RBFOX1: variants seen among roughly 807,000 people sequenced by gnomAD.
RBFOX1 encodes the protein RNA binding protein fox-1 homolog 1.
A neutral mutation model predicts 57.7 loss-of-function variants in RBFOX1; 8 were observed. The observed-to-expected ratio is 0.14, with a 90% CI of 0.08 to 0.25. RBFOX1 has a LOEUF of 0.25. RBFOX1 is among the 10% of genes least tolerant of loss of function. The pLI, the probability that RBFOX1 is intolerant of heterozygous loss-of-function variation, is 1.00. For synonymous variants in RBFOX1, 326 were observed against 222.4 expected (o/e 1.47, Z -4.15); for missense variants, 611 against 548.5 (o/e 1.11, Z -1.14).
intron 3 of RBFOX1, among the ~76,000 whole-genome samples, chr16:5,791,852 G>A (rs946272551): frequency 6.6e-6 from 1 of 152,186 alleles, no homozygotes; most frequent in African/African-American, 2.4e-5. Flanking sequence ...GAAATAAAGA[G>A]GTGGAGAAAA....
intron 3 of RBFOX1, among the ~76,000 whole-genome samples, chr16:5,763,028 A>T (rs1217905070): frequency 1.3e-5 from 2 of 152,166 alleles, no homozygotes; most frequent in Admixed American, 6.5e-5. Flanking sequence ...CTGTTTGCAC[A>T]TATCTGTTTT....
intron 1 of RBFOX1, among the ~76,000 whole-genome samples, chr16:6,172,887 G>C (rs72774557): frequency 6.6e-6 from 1 of 152,072 alleles, no homozygotes; most frequent in Non-Finnish European, 1.5e-5. Flanking sequence ...CTCACAGTGC[G>C]GGCAGAGCTG....
chr16:7,216,377 G>A (rs895252230), intron 4 of RBFOX1, among the ~76,000 whole-genome samples: 3 of 152,046 alleles, frequency 2.0e-5, no homozygotes, highest in Non-Finnish European at 2.9e-5. Flanking sequence ...ACCCTAGACC[G>A]GGCGCAGTGG....
At chr16:6,640,384 G>A (rs964371071) in intron 2 of RBFOX1, among the ~76,000 whole-genome samples, 2 of 152,016 alleles carry the variant, frequency 1.3e-5, no homozygotes, top group South Asian at 2.1e-4. Flanking sequence ...CGAGGTGGGC[G>A]GATCACTGGA....
intron 3 of RBFOX1, among the ~76,000 whole-genome samples, chr16:5,612,252 C>T (rs759305783): frequency 1.3e-5 from 2 of 148,224 alleles, no homozygotes; most frequent in Non-Finnish European, 3.0e-5. Context: ...CATCAGTTCT[C>T]CCATCCATCC....
At chr16:7,573,794 CA>C (rs1388698763) in intron 5 of RBFOX1, among the ~76,000 whole-genome samples, 3 of 151,520 alleles carry the variant, frequency 2.0e-5, no homozygotes, top group Admixed American at 6.6e-5. Context: ...AAGATTGTGC[CA>C]CTAGACTCCA....
At chr16:6,252,001 C>A (rs113206541) in intron 1 of RBFOX1, among the ~76,000 whole-genome samples, 1 of 152,024 alleles carries the variant, frequency 6.6e-6, no homozygotes. Flanking sequence ...AATGGAAAAA[C>A]AAACTTAGGG....
intron 2 of RBFOX1, among the ~76,000 whole-genome samples, chr16:5,579,684 T>A (rs1276130649): frequency 6.6e-6 from 1 of 152,042 alleles, no homozygotes. Flanking sequence ...CCAGGTAAGG[T>A]CTTGAAGCTC....
At chr16:7,227,942 T>A (rs1246997824) in intron 4 of RBFOX1, among the ~76,000 whole-genome samples, 1 of 152,210 alleles carries the variant, frequency 6.6e-6, no homozygotes, top group Non-Finnish European at 1.5e-5. Context: ...AGACAATTCT[T>A]TGCGGTGAGG....
chr16:6,894,837 A>G (rs1253078895), intron 3 of RBFOX1, among the ~76,000 whole-genome samples: 2 of 152,194 alleles, frequency 1.3e-5, no homozygotes, highest in East Asian at 3.8e-4. Flanking sequence ...CCAGAATAAG[A>G]CATGTTGGGT....
intron 4 of RBFOX1, among the ~76,000 whole-genome samples, chr16:7,071,823 C>T (rs886280222): frequency 6.6e-6 from 1 of 152,074 alleles, no homozygotes; most frequent in African/African-American, 2.4e-5. Context: ...CACACACACA[C>T]CTGCCCATTA....
At chr16:6,884,606 A>G (rs553895844) in intron 3 of RBFOX1, among the ~76,000 whole-genome samples, 2 of 152,130 alleles carry the variant, frequency 1.3e-5, no homozygotes, top group South Asian at 4.2e-4. Flanking sequence ...AAAAACAAAA[A>G]AAACTAAATT....
At chr16:7,534,151 A>G (rs1423439540) in intron 5 of RBFOX1, among the ~76,000 whole-genome samples, 2 of 144,390 alleles carry the variant, frequency 1.4e-5, no homozygotes, top group African/African-American at 2.5e-5. Flanking sequence ...CAGTGGCTCG[A>G]TCTCGGCTCA....
At chr16:7,122,670 C>T (rs553124839) in intron 4 of RBFOX1, among the ~76,000 whole-genome samples, 1 of 152,048 alleles carries the variant, frequency 6.6e-6, no homozygotes, top group African/African-American at 2.4e-5. Context: ...CAGTCCGTTA[C>T]AAAGTTAAGT....
Position 7,705,655 on chromosome 16 carries a change from G to C in RBFOX1, c.996-3401G>C, listed in dbSNP as rs368590379. On this transcript the variant is annotated intron_variant, in intron 14 of 15. Transcript: ENST00000550418. ...AAAACTATTGAAGGGTTTTAAGCGGGGAGTCATAGGATTAGATTTATATTT... is the reference window on the plus strand; with the variant it reads ...AAAACTATTGAAGGGTTTTAAGCGGCGAGTCATAGGATTAGATTTATATTT... Among the ~76,000 whole-genome samples, 93 of 152,296 alleles carry C rather than the reference G, an allele frequency of 6.1e-4. 3 individuals carry two copies. The East Asian group carries it at 0.017, about 28-fold the overall frequency.
intron 4 of RBFOX1, among the ~76,000 whole-genome samples, chr16:5,904,191 G>C (rs754399660): frequency 6.6e-6 from 1 of 152,104 alleles, no homozygotes; most frequent in Admixed American, 6.6e-5. Context: ...ACAGTGATTA[G>C]ATCCTGCCCG....
chr16:6,804,679 G>C (rs2086300674), intron 3 of RBFOX1, among the ~76,000 whole-genome samples: 1 of 152,160 alleles, frequency 6.6e-6, no homozygotes, highest in African/African-American at 2.4e-5. Flanking sequence ...ACTTTCTAAA[G>C]AATAAGAGTG....
chr16:5,471,256 G>C (rs185830448), intron 2 of RBFOX1, among the ~76,000 whole-genome samples: 2 of 152,308 alleles, frequency 1.3e-5, no homozygotes, highest in African/African-American at 4.8e-5. Context: ...TTCCTATTGA[G>C]GAAATGGCGT....
chr16:5,751,276 T>A (rs908353743), intron 3 of RBFOX1, among the ~76,000 whole-genome samples: 1 of 152,200 alleles, frequency 6.6e-6, no homozygotes, highest in African/African-American at 2.4e-5. Flanking sequence ...TAAACTTCAC[T>A]GATTCTGGGC....
Sources: gnomAD v4.1 joint callset for allele counts (sites outside exome capture counted in the v4.1 genomes callset) on GRCh38, gnomAD v4.1.1 for gene constraint, MANE v1.5 for transcripts, NCBI Gene and HGNC (gene_info 2026-07-23, HGNC 2026-07-21) for gene names.